SGK3: variants seen among roughly 807,000 people sequenced by gnomAD.
SGK3 encodes the protein serum/glucocorticoid regulated kinase family member 3.
A neutral mutation model predicts 68.5 loss-of-function variants in SGK3; 47 were observed. The ratio of observed to expected loss-of-function variants is 0.69; its 90% CI spans 0.54 to 0.87. The LOEUF is 0.87. SGK3 is among the 40% of genes least tolerant of loss of function. The pLI is 0.00. For missense variants in SGK3, 479 were observed against 575.5 expected, an observed-to-expected ratio of 0.83 and a Z score of 1.72; for synonymous variants, 181 against 189.1, an observed-to-expected ratio of 0.96 and a Z score of 0.35.
chr8:66,731,824 G>A (rs1184123536), intron 1 of SGK3, among the ~76,000 whole-genome samples: 3 of 152,118 alleles, frequency 2.0e-5, no homozygotes, highest in East Asian at 1.9e-4. Flanking sequence ...GTGAGCCACC[G>A]CACCCGGCCG....
chr8:66,814,035 A>T, intron 5 of SGK3, 107 bp downstream of exon 5: 1 of 815,608 alleles, frequency 1.2e-6, no homozygotes, highest in Non-Finnish European at 1.7e-6. Flanking sequence ...ACTGTGCTAT[A>T]TATGTTTGTA....
At chr8:66,768,009 G>T in intron 1 of SGK3, 1 of 751,096 alleles carries the variant, frequency 1.3e-6, no homozygotes, top group Non-Finnish European at 2.4e-6. Flanking sequence ...TAGCCATTCT[G>T]GATTATTGCC....
chr8:66,746,711 A>C, intron 1 of SGK3, among the ~76,000 whole-genome samples: 1 of 151,754 alleles, frequency 6.6e-6, no homozygotes. Context: ...ACGCCATACT[A>C]CACCTGGCTA....
rs1243212526 is a variant in SGK3 at position 66,847,250 on chromosome 8, C to G, written c.1132C>G (p.Leu378Val). 1.2e-6 allele frequency: 2 copies of G among 1,613,878 alleles called. No individual in the cohort carries two copies. Among genetic ancestry groups the G allele is most frequent in the Non-Finnish European group, 1.7e-6 (2 of 1,179,962 alleles). The change falls in exon 15 of 17, where the codon CTA (leucine) becomes GTA (valine). Residue 378 changes from leucine (L) to valine (V), a missense_variant. Transcript: ENST00000521198. ...GTATGACAATATCCTTCACAAACCC[C>G]TAAGTTTGAGGCCAGGAGTGAGTCT... is the stretch of plus-strand genomic sequence containing the variant. ...EMYDNILHKP[L>V]SLRPGVSLTA... is the part of the protein sequence containing the mutation.
At chr8:66,795,377 G>A (rs1807637990) in intron 2 of SGK3, among the ~76,000 whole-genome samples, 1 of 152,162 alleles carries the variant, frequency 6.6e-6, no homozygotes, top group Non-Finnish European at 1.5e-5. Context: ...TCAACAGTAG[G>A]CATTTGTTGC....
chr8:66,803,678 T>G lies in SGK3; in HGVS notation c.181-697T>G, dbSNP rs548420274. On this transcript the variant is annotated intron_variant, in intron 3 of 16. Transcript: ENST00000521198. ...AGAATATATATATAATTATTTTTTT[T>G]GAGACATGGTGTCTGTTGCCCAGGC... 7.1e-4 allele frequency among the ~76,000 whole-genome samples: 106 copies of G among 148,602 alleles called. 1 individual carries two copies. Among genetic ancestry groups the G allele is most frequent in the African/African-American group, 2.6e-3 (104 of 40,516 alleles).
intron 1 of SGK3, among the ~76,000 whole-genome samples, chr8:66,765,085 GA>G (rs1354234903): frequency 6.6e-6 from 1 of 152,168 alleles, no homozygotes; most frequent in African/African-American, 2.4e-5. Flanking sequence ...TCTAGAAGTA[GA>G]ATTGCTGGGT....
intron 4 of SGK3, among the ~76,000 whole-genome samples, chr8:66,806,575 G>A (rs1808173462): frequency 6.6e-6 from 1 of 152,112 alleles, no homozygotes; most frequent in Non-Finnish European, 1.5e-5. Flanking sequence ...CACTTTGGGA[G>A]GCTGAGGTGG....
rs187573825 is a variant in SGK3 at position 66,766,468 on chromosome 8, T to C, written c.-121-27148T>C. Among the ~76,000 whole-genome samples the C allele has an allele frequency of 6.5e-4, 99 of 152,232 alleles. No homozygotes were observed. The East Asian group carries it at 0.011, about 17-fold the overall frequency. ...AACCTAGGAGGCAGAGAGGTTGCAG[T>C]GAGCCGAGATTGCAACTGCATTTCA... is the stretch of plus-strand genomic sequence containing the variant. On this transcript the variant is annotated intron_variant, in intron 1 of 16. Transcript: ENST00000521198.
rs1031605271 is a variant in SGK3 at position 66,763,571 on chromosome 8, G to C, written c.-121-30045G>C. On this transcript the variant is annotated intron_variant, in intron 1 of 16. Transcript: ENST00000521198. ...CTAGGGGTGTTCATTTCCCTAGATT[G>C]GTCACTGATTTTAGCTTTTTCCATG... Among the ~76,000 whole-genome samples the C allele has an allele frequency of 2.0e-5, 3 of 151,906 alleles. No individual in the cohort carries two copies. In the South Asian group the frequency reaches 6.2e-4, roughly 32 times the overall value.
At chr8:66,759,654 T>G (rs917521135) in intron 1 of SGK3, among the ~76,000 whole-genome samples, 2 of 149,640 alleles carry the variant, frequency 1.3e-5, no homozygotes, top group Admixed American at 1.3e-4. Flanking sequence ...ATGGTTTTTG[T>G]TTGTTTGTTT....
chr8:66,724,073 T>G (rs1804903213), intron 1 of SGK3, among the ~76,000 whole-genome samples: 1 of 152,208 alleles, frequency 6.6e-6, no homozygotes, highest in African/African-American at 2.4e-5. Context: ...ATTAACATAA[T>G]TTATTTCTAG....
intron 4 of SGK3, among the ~76,000 whole-genome samples, chr8:66,813,357 C>G (rs1373216503): frequency 2.0e-5 from 3 of 152,090 alleles, no homozygotes; most frequent in Non-Finnish European, 2.9e-5. Context: ...TTGTTTTTCA[C>G]AGTGGAAGTT....
chr8:66,822,537 T>A, intron 6 of SGK3, 78 bp downstream of exon 6: 3 of 1,358,652 alleles, frequency 2.2e-6, no homozygotes, highest in Non-Finnish European at 2.0e-6. Context: ...GACACTTACT[T>A]CAAATGAAGT....
chr8:66,827,950 C>T (rs561576223), intron 6 of SGK3, among the ~76,000 whole-genome samples: 46 of 151,996 alleles, frequency 3.0e-4, no homozygotes, highest in South Asian at 2.3e-3. Context: ...TGTGAAACCC[C>T]GTCTCTACTA....
intron 1 of SGK3, among the ~76,000 whole-genome samples, chr8:66,774,900 C>T (rs1258435264): frequency 6.6e-6 from 1 of 152,150 alleles, no homozygotes; most frequent in East Asian, 1.9e-4. Flanking sequence ...GTTTTGAGAT[C>T]TACACTTTAG....
rs577562916 is a variant in SGK3, at chr8:66,860,206, G to A, written c.*625G>A. The A allele has an allele frequency of 1.3e-5, 2 of 152,406 alleles. No homozygotes were observed. Among genetic ancestry groups the A allele is most frequent in the East Asian group, 1.9e-4 (1 of 5,198 alleles). The allele number at this position is 152,406 out of a possible 1,614,324, so 9.4% of individuals were successfully genotyped here. ...GCGGTGGCTCACGCCTGTAATCCCAGCACTTTGGGAGGCTGAGGCGGGCAG... is the reference window on the plus strand; with the variant it reads ...GCGGTGGCTCACGCCTGTAATCCCAACACTTTGGGAGGCTGAGGCGGGCAG... On this transcript the variant is annotated 3_prime_UTR_variant, in exon 17 of 17. Coordinates refer to ENST00000521198, the MANE Select transcript of SGK3 (RefSeq NM_001033578.3).
At chr8:66,741,439 C>T (rs188644171) in intron 1 of SGK3, among the ~76,000 whole-genome samples, 2 of 151,668 alleles carry the variant, frequency 1.3e-5, no homozygotes, top group African/African-American at 4.8e-5. Context: ...CCCAGCTACT[C>T]GGGAGGCCTC....
chr8:66,814,673 A>G (rs1183944628), intron 5 of SGK3, among the ~76,000 whole-genome samples: 1 of 152,176 alleles, frequency 6.6e-6, no homozygotes, highest in Non-Finnish European at 1.5e-5. Context: ...GTCTTTCTCA[A>G]CACAATAGTC....
Sources: gnomAD v4.1 joint callset for allele counts (sites outside exome capture counted in the v4.1 genomes callset) on GRCh38, gnomAD v4.1.1 for gene constraint, MANE v1.5 for transcripts, NCBI Gene and HGNC (gene_info 2026-07-23, HGNC 2026-07-21) for gene names.